The following SGCZ variants were observed in gnomAD, a reference collection of about 807,000 sequenced individuals.
SGCZ encodes the protein zeta-sarcoglycan.
A neutral mutation model predicts 41.3 loss-of-function variants in SGCZ; 40 were observed. That is an observed-to-expected ratio of 0.97 (90% CI 0.75 to 1.26). The LOEUF is 1.26. Among genes scored for constraint, SGCZ ranks in the 50% most tolerant of loss-of-function variants. The probability of loss-of-function intolerance (pLI) is 0.00; values close to 1 mark genes in which losing one functional copy is unlikely to be tolerated. For missense variants in SGCZ, 552 were observed against 369.8 expected (o/e 1.49, Z -4.04); for synonymous variants, 206 against 137.5 (o/e 1.50, Z -3.49).
At chr8:14,305,270 C>T (rs1429916211) in intron 3 of SGCZ, among the ~76,000 whole-genome samples, 2 of 152,108 alleles carry the variant, frequency 1.3e-5, no homozygotes, top group East Asian at 3.9e-4. Flanking sequence ...GTTAGCATGA[C>T]AGATGCCTTA....
chr8:15,037,612 A>G (rs1198239188), intron 1 of SGCZ, among the ~76,000 whole-genome samples: 1 of 152,204 alleles, frequency 6.6e-6, no homozygotes, highest in East Asian at 1.9e-4. Flanking sequence ...TATTACTGAA[A>G]GTACTAGCCA....
chr8:14,130,645 T>A (rs2117056633), intron 5 of SGCZ, among the ~76,000 whole-genome samples: 1 of 152,258 alleles, frequency 6.6e-6, no homozygotes, highest in South Asian at 2.1e-4. Flanking sequence ...GGGATTTCCT[T>A]TTAATAAAAA....
At chr8:14,279,951 T>C (rs1394904850) in intron 3 of SGCZ, among the ~76,000 whole-genome samples, 4 of 151,890 alleles carry the variant, frequency 2.6e-5, no homozygotes, top group African/African-American at 9.7e-5. Context: ...ATGTGACAAG[T>C]CCAAACAGAA....
At chr8:14,313,454 T>C (rs1008007789) in intron 3 of SGCZ, among the ~76,000 whole-genome samples, 1 of 152,136 alleles carries the variant, frequency 6.6e-6, no homozygotes, top group Non-Finnish European at 1.5e-5. Flanking sequence ...ATAGCTAGGA[T>C]TACAAGTGTA....
At chr8:14,909,291 A>G (rs1799211404) in intron 1 of SGCZ, among the ~76,000 whole-genome samples, 1 of 152,114 alleles carries the variant, frequency 6.6e-6, no homozygotes, top group Admixed American at 6.5e-5. Context: ...CTCTAAATCC[A>G]GTTGTCTACC....
intron 1 of SGCZ, among the ~76,000 whole-genome samples, chr8:15,000,721 T>C (rs1176743578): frequency 3.3e-5 from 5 of 152,134 alleles, no homozygotes; most frequent in African/African-American, 9.7e-5. Flanking sequence ...ATGTAAACAA[T>C]ATACCCGATG....
At chr8:15,047,591 G>C (rs1341224002) in intron 1 of SGCZ, among the ~76,000 whole-genome samples, 1 of 151,990 alleles carries the variant, frequency 6.6e-6, no homozygotes, top group East Asian at 1.9e-4. Flanking sequence ...CAACTAGAGA[G>C]AGAGTACAGG....
At chr8:14,207,754 A>G (rs1450407391) in intron 4 of SGCZ, among the ~76,000 whole-genome samples, 1 of 152,190 alleles carries the variant, frequency 6.6e-6, no homozygotes. Flanking sequence ...ATTTCATTCT[A>G]CCCTTCTACT....
chr8:14,110,343 ATAAT>A (rs1802334656), intron 5 of SGCZ, among the ~76,000 whole-genome samples: 1 of 152,140 alleles, frequency 6.6e-6, no homozygotes, highest in African/African-American at 2.4e-5. Flanking sequence ...TGACAGAAAT[ATAAT>A]TAAACATCGG....
rs79370938 is a variant in SGCZ at position 14,629,045 on chromosome 8, C to T, written c.40-74119G>A. ...TGTTTAATTTCCCTTAATTGCCCTA[C>T]GAAGGAAAAAGAATTTGACCAGATT... On this transcript the variant is annotated intron_variant, in intron 1 of 7. Coordinates refer to ENST00000382080, the MANE Select transcript of SGCZ (RefSeq NM_139167.4). Among the ~76,000 whole-genome samples the T allele has an allele frequency of 2.3e-3, 355 of 152,100 alleles. 1 individual carries two copies. The highest frequency in any genetic ancestry group is 6.8e-3 in the Middle Eastern group (2 of 294).
intron 4 of SGCZ, among the ~76,000 whole-genome samples, chr8:14,221,647 G>C (rs1806197820): frequency 6.6e-6 from 1 of 152,154 alleles, no homozygotes; most frequent in African/African-American, 2.4e-5. Context: ...ATTCAAATAA[G>C]AAGTGGGGTC....
chr8:15,129,374 G>A (rs1174333237), intron 1 of SGCZ, among the ~76,000 whole-genome samples: 1 of 152,014 alleles, frequency 6.6e-6, no homozygotes, highest in Non-Finnish European at 1.5e-5. Context: ...TATTATATTA[G>A]CCTTCCTATC....
intron 1 of SGCZ, among the ~76,000 whole-genome samples, chr8:14,572,857 T>C (rs1009237485): frequency 1.3e-5 from 2 of 152,224 alleles, no homozygotes; most frequent in African/African-American, 4.8e-5. Flanking sequence ...TCTGTTTTTT[T>C]TGATATGGGA....
At chr8:14,347,073 C>A (rs987949108) in intron 2 of SGCZ, among the ~76,000 whole-genome samples, 1 of 151,890 alleles carries the variant, frequency 6.6e-6, no homozygotes, top group Admixed American at 6.6e-5. Flanking sequence ...GAATATTAGC[C>A]CTCGTTAGTT....
intron 7 of SGCZ, among the ~76,000 whole-genome samples, chr8:14,093,911 G>A (rs1312943336): frequency 6.6e-6 from 1 of 151,868 alleles, no homozygotes; most frequent in Admixed American, 6.6e-5. Context: ...TTCATTGTTT[G>A]TTTCTTCTAC....
At chr8:14,541,899 C>T (rs907517956) in intron 2 of SGCZ, among the ~76,000 whole-genome samples, 1 of 151,968 alleles carries the variant, frequency 6.6e-6, no homozygotes, top group South Asian at 2.1e-4. Flanking sequence ...GAGCTTTTTT[C>T]CATATGTTTG....
chr8:15,083,285 C>T (rs112593806), intron 1 of SGCZ, among the ~76,000 whole-genome samples: 2 of 152,110 alleles, frequency 1.3e-5, no homozygotes, highest in Non-Finnish European at 2.9e-5. Flanking sequence ...AAATTATAAA[C>T]CTTATAATCA....
rs561966539 is a variant in SGCZ, at chr8:14,622,407, G to A, written c.40-67481C>T. ...ATCTGGCCCAGAGTTTGAAAAATGTGAGGTCTGATTCCAAGTGTGATATTC... is the reference window on the plus strand; with the variant it reads ...ATCTGGCCCAGAGTTTGAAAAATGTAAGGTCTGATTCCAAGTGTGATATTC... On this transcript the variant is annotated intron_variant, in intron 1 of 7. Coordinates refer to ENST00000382080, the MANE Select transcript of SGCZ (RefSeq NM_139167.4). Among the ~76,000 whole-genome samples, 6 of 152,232 alleles carry A rather than the reference G, an allele frequency of 3.9e-5. No homozygotes were observed. The East Asian group carries it at 9.7e-4, about 25-fold the overall frequency.
chr8:14,645,066 A>G (rs1442812648), intron 1 of SGCZ, among the ~76,000 whole-genome samples: 1 of 151,672 alleles, frequency 6.6e-6, no homozygotes, highest in East Asian at 1.9e-4. Context: ...AAGGCTTAGG[A>G]ATTTTTATAT....
Sources: gnomAD v4.1 joint callset for allele counts (sites outside exome capture counted in the v4.1 genomes callset) on GRCh38, gnomAD v4.1.1 for gene constraint, MANE v1.5 for transcripts, NCBI Gene and HGNC (gene_info 2026-07-23, HGNC 2026-07-21) for gene names.